The following NTRK2 variants were observed in gnomAD, a reference collection of about 807,000 sequenced individuals.
NTRK2 encodes neurotrophic receptor tyrosine kinase 2.
A neutral mutation model predicts 94.5 loss-of-function variants in NTRK2; 13 were observed. That is an observed-to-expected ratio of 0.14 (90% CI 0.09 to 0.22). NTRK2 has a LOEUF of 0.22. Ranked by LOEUF, NTRK2 falls within the 10% of genes least tolerant of loss-of-function variation. The probability of loss-of-function intolerance (pLI) is 1.00; values close to 1 mark genes in which losing one functional copy is unlikely to be tolerated. For synonymous variants in NTRK2, 372 were observed against 407.4 expected (o/e 0.91, Z 1.05); for missense variants, 639 against 1,071.2 (o/e 0.60, Z 5.63).
chr9:84,997,056 C>T (rs1447769781), intron 17 of NTRK2, among the ~76,000 whole-genome samples: 1 of 152,214 alleles, frequency 6.6e-6, no homozygotes, highest in Non-Finnish European at 1.5e-5. Flanking sequence ...ACCCCTGTTT[C>T]CACCTCGCTG....
intron 14 of NTRK2, chr9:84,877,558 C>A (rs1483153874): frequency 4.7e-6 from 5 of 1,066,472 alleles, no homozygotes; most frequent in Non-Finnish European, 5.7e-6. Context: ...CTTCCTGCCA[C>A]CTCATTGCAC....
In NTRK2 at chr9:85,024,986, A is replaced by G. The variant is rs936284117; in HGVS notation, c.*3549A>G. The G allele has an allele frequency of 4.3e-6, 1 of 233,030 alleles. No homozygotes were observed. Among genetic ancestry groups the G allele is most frequent in the Non-Finnish European group, 8.5e-6 (1 of 117,986 alleles). The allele number at this position is 233,030 out of a possible 1,614,324, so 14.4% of individuals were successfully genotyped here. A position where few individuals can be genotyped will look rare whatever the true frequency, so the allele number is the denominator to read the frequency against. On this transcript the variant is annotated 3_prime_UTR_variant, in exon 19 of 19. Coordinates refer to ENST00000277120, the MANE Select transcript of NTRK2 (RefSeq NM_006180.6). ...TGTTTGTGTGTTTATGTATAAATTTATAGGCACACAATAATAGAGGTAATT... is the reference window on the plus strand; with the variant it reads ...TGTTTGTGTGTTTATGTATAAATTTGTAGGCACACAATAATAGAGGTAATT...
rs888677535 is a variant in NTRK2, at chr9:84,833,471, AAAGG to A, written c.1397-27562_1397-27559del. 8.5e-4 allele frequency among the ~76,000 whole-genome samples: 129 copies of A among 151,806 alleles called. 1 individual carries two copies. Among genetic ancestry groups the A allele is most frequent in the African/African-American group, 3.0e-3 (125 of 41,354 alleles). On this transcript the variant is annotated intron_variant, in intron 12 of 18. Transcript: ENST00000277120. ...GAAAAAAAGGAAGGAAGGAAGGAAAAAAGGAAGGAACAGGAAAGAAAGAAAGAGG... is the reference window on the plus strand; with the variant it reads ...GAAAAAAAGGAAGGAAGGAAGGAAAAAAGGAACAGGAAAGAAAGAAAGAGG...
intron 12 of NTRK2, among the ~76,000 whole-genome samples, chr9:84,798,437 G>T (rs1429572660): frequency 6.6e-6 from 1 of 152,196 alleles, no homozygotes; most frequent in Non-Finnish European, 1.5e-5. Context: ...ATGAAAGATG[G>T]TCTCACCATA....
At chr9:84,719,510 CT>C (rs1259394284) in intron 6 of NTRK2, among the ~76,000 whole-genome samples, 1 of 151,288 alleles carries the variant, frequency 6.6e-6, no homozygotes, top group Non-Finnish European at 1.5e-5. Context: ...TTATTTTAAC[CT>C]TTCTCTCCTC....
Position 84,717,176 on chromosome 9 carries a change from C to T in NTRK2, c.583+6385C>T, listed in dbSNP as rs76310994. Among the ~76,000 whole-genome samples, 454 of 152,268 alleles carry T rather than the reference C, an allele frequency of 3.0e-3. 15 individuals are homozygous for T. The East Asian group carries it at 0.066, about 22-fold the overall frequency. ...AGAGAACAGACAACATTATAATTTA[C>T]TTGAATACTTTTATACATGTGGAAT... On this transcript the variant is annotated intron_variant, in intron 6 of 18. Transcript: ENST00000277120.
intron 2 of NTRK2, among the ~76,000 whole-genome samples, chr9:84,692,227 A>T (rs972818970): frequency 2.6e-5 from 4 of 152,100 alleles, no homozygotes; most frequent in Admixed American, 6.6e-5. Flanking sequence ...CGTTGGAAGA[A>T]AAAAAATTGT....
At chr9:85,008,880 T>C (rs1588174754) in intron 17 of NTRK2, among the ~76,000 whole-genome samples, 1 of 152,348 alleles carries the variant, frequency 6.6e-6, no homozygotes, top group South Asian at 2.1e-4. Flanking sequence ...TTTCCTTAGG[T>C]CCCAGCCATA....
chr9:84,671,916 TATC>T (rs1454331055), intron 2 of NTRK2, among the ~76,000 whole-genome samples: 2 of 152,236 alleles, frequency 1.3e-5, no homozygotes, highest in Non-Finnish European at 1.5e-5. Flanking sequence ...CTGTTATTGT[TATC>T]ATTTTTTTCC....
chr9:84,670,662 G>A lies in NTRK2; in HGVS notation c.-87G>A, dbSNP rs199572602. 4 of 1,341,990 alleles carry A rather than the reference G, an allele frequency of 3.0e-6. No homozygotes were observed. Among genetic ancestry groups the A allele is most frequent in the South Asian group, 1.2e-5 (1 of 85,132 alleles). 83.1% of individuals were successfully genotyped at this position (1,341,990 alleles called of 1,614,324 possible). On this transcript the variant is annotated 5_prime_UTR_variant, in exon 2 of 19. Coordinates refer to ENST00000277120, the MANE Select transcript of NTRK2 (RefSeq NM_006180.6). ...CACCGAGGAGTTAAGAGAGCCGCAA[G>A]CGCAGGGAAGGCCTCCCCGCACGGG...
chr9:84,983,931 G>T (rs1827975478), intron 17 of NTRK2, among the ~76,000 whole-genome samples: 1 of 152,158 alleles, frequency 6.6e-6, no homozygotes, highest in African/African-American at 2.4e-5. Flanking sequence ...TGGAGCTGGG[G>T]CTCTAGAGTT....
chr9:84,775,389 A>G (rs1056457519), intron 12 of NTRK2, among the ~76,000 whole-genome samples: 2 of 151,942 alleles, frequency 1.3e-5, no homozygotes, highest in Non-Finnish European at 2.9e-5. Flanking sequence ...CTCACATATT[A>G]TTTTCCCTGT....
In NTRK2 at chr9:85,024,960, G is replaced by T. The variant is rs904780863; in HGVS notation, c.*3523G>T. ...ACATATACAAATGCACATACGTAGT[G>T]TGTTTGTGTGTTTATGTATAAATTT... On this transcript the variant is annotated 3_prime_UTR_variant, in exon 19 of 19. Transcript: ENST00000277120. The T allele has an allele frequency of 2.6e-5, 6 of 232,976 alleles. No individual in the cohort carries two copies. Among genetic ancestry groups the T allele is most frequent in the African/African-American group, 1.3e-4 (6 of 45,344 alleles). The allele number at this position is 232,976 out of a possible 1,614,324, so 14.4% of individuals were successfully genotyped here.
intron 17 of NTRK2, among the ~76,000 whole-genome samples, chr9:85,016,506 T>C (rs1236987078): frequency 6.6e-6 from 1 of 152,124 alleles, no homozygotes; most frequent in Non-Finnish European, 1.5e-5. Context: ...ATCTCACAAA[T>C]ATTTAAGCAA....
chr9:84,982,930 C>T (rs1827834144), intron 17 of NTRK2, among the ~76,000 whole-genome samples: 1 of 151,900 alleles, frequency 6.6e-6, no homozygotes, highest in South Asian at 2.1e-4. Flanking sequence ...ATAGATTTTT[C>T]TTTCTTAGAG....
At chr9:84,875,823 G>A (rs961573264) in intron 14 of NTRK2, 1 of 1,046,346 alleles carries the variant, frequency 9.6e-7, no homozygotes, top group East Asian at 5.6e-5. Flanking sequence ...TTCTGGCAAG[G>A]AGGCCTCTAT....
At chr9:84,851,861 G>A (rs1335514072) in intron 12 of NTRK2, among the ~76,000 whole-genome samples, 1 of 152,144 alleles carries the variant, frequency 6.6e-6, no homozygotes, top group African/African-American at 2.4e-5. Flanking sequence ...TGTTGGTCTA[G>A]AAGGACTAAA....
At chr9:84,844,975 G>A (rs776147174) in intron 12 of NTRK2, among the ~76,000 whole-genome samples, 2 of 151,776 alleles carry the variant, frequency 1.3e-5, no homozygotes, top group African/African-American at 2.4e-5. Flanking sequence ...GTGTGGATGC[G>A]GTGAAAAAGG....
chr9:84,742,024 A>AT, intron 10 of NTRK2, 97 bp downstream of exon 10: 1 of 1,131,922 alleles, frequency 8.8e-7, no homozygotes, highest in Non-Finnish European at 1.3e-6. Flanking sequence ...GCTCAGTTAA[A>AT]TTTACACTTT....
Sources: gnomAD v4.1 joint callset for allele counts (sites outside exome capture counted in the v4.1 genomes callset) on GRCh38, gnomAD v4.1.1 for gene constraint, MANE v1.5 for transcripts, NCBI Gene and HGNC (gene_info 2026-07-23, HGNC 2026-07-21) for gene names.